The following KDM4C variants were observed in gnomAD, a reference collection of about 807,000 sequenced individuals.
The protein encoded by KDM4C is lysine-specific demethylase 4C.
A neutral mutation model predicts 129.3 loss-of-function variants in KDM4C; 81 were observed. The observed-to-expected ratio is 0.63, with a 90% CI of 0.52 to 0.75. The LOEUF (loss-of-function observed/expected upper bound fraction) is 0.75. Ranked by LOEUF, KDM4C falls within the 30% of genes least tolerant of loss-of-function variation. The pLI, the probability that KDM4C is intolerant of heterozygous loss-of-function variation, is 0.00. For synonymous variants in KDM4C, 573 were observed against 456.1 expected (o/e 1.26, Z -3.26); for missense variants, 1,457 against 1,304.0 (o/e 1.12, Z -1.81).
intron 12 of KDM4C, among the ~76,000 whole-genome samples, chr9:7,002,182 C>T (rs572081448): frequency 5.9e-5 from 9 of 152,286 alleles, no homozygotes; most frequent in East Asian, 1.9e-4. Context: ...CATGAGCCAC[C>T]GCACTTGCCT....
chr9:6,737,158 A>T (rs2130243001), intron 1 of KDM4C, among the ~76,000 whole-genome samples: 1 of 152,114 alleles, frequency 6.6e-6, no homozygotes, highest in South Asian at 2.1e-4. Context: ...AAATATAATT[A>T]AATTGAAACA....
At chr9:6,842,032 C>T (rs192580570) in intron 4 of KDM4C, among the ~76,000 whole-genome samples, 2 of 152,300 alleles carry the variant, frequency 1.3e-5, no homozygotes, top group East Asian at 3.9e-4. Context: ...AAAACATGCT[C>T]ATAGAGTGGA....
chr9:6,729,122 T>TAAAAAAAA (rs1563913049), intron 1 of KDM4C, among the ~76,000 whole-genome samples: 3,077 of 121,624 alleles, frequency 0.025, 213 homozygotes, highest in African/African-American at 0.042. Flanking sequence ...GAGAATTGCT[T>TAAAAAAAA]GAACCCGGGA....
chr9:7,122,902 A>G (rs1334930773), intron 18 of KDM4C, among the ~76,000 whole-genome samples: 1 of 152,230 alleles, frequency 6.6e-6, no homozygotes, highest in Non-Finnish European at 1.5e-5. Flanking sequence ...ATGCCCTCGC[A>G]TGATGCCTGT....
chr9:7,147,701 A>G (rs1842341129), intron 19 of KDM4C, among the ~76,000 whole-genome samples: 1 of 152,204 alleles, frequency 6.6e-6, no homozygotes, highest in South Asian at 2.1e-4. Flanking sequence ...TGGCTCTCTT[A>G]CCCAGGTAGG....
At chr9:7,115,953 A>G (rs540524220) in intron 18 of KDM4C, among the ~76,000 whole-genome samples, 3 of 152,338 alleles carry the variant, frequency 2.0e-5, no homozygotes, top group East Asian at 3.9e-4. Context: ...AGAAGTTGGC[A>G]TCTTTTCATC....
At chr9:6,828,398 C>T (rs1289254726) in intron 4 of KDM4C, among the ~76,000 whole-genome samples, 2 of 151,946 alleles carry the variant, frequency 1.3e-5, no homozygotes, top group South Asian at 2.1e-4. Flanking sequence ...CTGCCTGCCT[C>T]GGCCTCCCAA....
chr9:6,780,619 T>C (rs1824125675), intron 1 of KDM4C, among the ~76,000 whole-genome samples: 1 of 151,540 alleles, frequency 6.6e-6, no homozygotes, highest in Non-Finnish European at 1.5e-5. Flanking sequence ...ATACGAAAAT[T>C]AGCCGGGTGT....
intron 1 of KDM4C, among the ~76,000 whole-genome samples, chr9:6,763,045 G>A (rs1284612665): frequency 6.6e-6 from 1 of 151,908 alleles, no homozygotes; most frequent in Non-Finnish European, 1.5e-5. Context: ...GGGGGGGATG[G>A]ATGGGGGGTA....
At chr9:7,110,104 C>G (rs539260911) in intron 18 of KDM4C, among the ~76,000 whole-genome samples, 6 of 152,308 alleles carry the variant, frequency 3.9e-5, no homozygotes, top group African/African-American at 2.4e-5. Flanking sequence ...TGAGAATGGA[C>G]TAATCCACAC....
At chr9:7,011,924 C>T in intron 13 of KDM4C, 45 bp downstream of exon 13, 1 of 1,459,810 alleles carries the variant, frequency 6.9e-7, no homozygotes, top group East Asian at 2.3e-5. Context: ...CTCTGCCTTC[C>T]ATGTGACCAC....
chr9:6,948,759 T>A (rs1827470347), intron 8 of KDM4C, among the ~76,000 whole-genome samples: 1 of 152,098 alleles, frequency 6.6e-6, no homozygotes, highest in South Asian at 2.1e-4. Context: ...CATTTAACCC[T>A]GAGTGGACAC....
At chr9:6,837,710 A>T (rs1836149198) in intron 4 of KDM4C, among the ~76,000 whole-genome samples, 1 of 151,922 alleles carries the variant, frequency 6.6e-6, no homozygotes. Context: ...GGAATTCTTT[A>T]TTCTGGATAC....
intron 17 of KDM4C, among the ~76,000 whole-genome samples, chr9:7,093,252 C>T (rs900164752): frequency 1.3e-5 from 2 of 152,088 alleles, no homozygotes; most frequent in African/African-American, 4.8e-5. Flanking sequence ...AAGGGTGGAG[C>T]ATGGTGTTGT....
chr9:6,900,798 A>G (rs1001712519), intron 8 of KDM4C, among the ~76,000 whole-genome samples: 2 of 152,102 alleles, frequency 1.3e-5, no homozygotes, highest in African/African-American at 4.8e-5. Context: ...AAGGTTTTCT[A>G]CCTTCTCTTT....
intron 11 of KDM4C, among the ~76,000 whole-genome samples, chr9:6,988,870 T>C (rs1818223387): frequency 6.6e-6 from 1 of 152,128 alleles, no homozygotes; most frequent in Non-Finnish European, 1.5e-5. Context: ...GATTACCCTA[T>C]AAAACTGCCC....
intron 4 of KDM4C, among the ~76,000 whole-genome samples, chr9:6,826,694 T>C (rs1314977985): frequency 1.3e-5 from 2 of 152,016 alleles, no homozygotes; most frequent in Non-Finnish European, 2.9e-5. Context: ...TGTGAAACCC[T>C]GTCTCTACTA....
intron 13 of KDM4C, 95 bp downstream of exon 13, chr9:7,011,974 G>A (rs780052897): frequency 9.7e-7 from 1 of 1,029,066 alleles, no homozygotes; most frequent in Non-Finnish European, 1.4e-6. Context: ...GGCTTCCTTT[G>A]CACATAAGAA....
chr9:6,864,575 A>G (rs1007541095), intron 5 of KDM4C, among the ~76,000 whole-genome samples: 1 of 151,892 alleles, frequency 6.6e-6, no homozygotes, highest in Non-Finnish European at 1.5e-5. Flanking sequence ...GTTTCAAGCA[A>G]TTCTGCTGCC....
Sources: allele counts gnomAD v4.1 joint callset (sites outside exome capture counted in the v4.1 genomes callset), GRCh38; gene constraint gnomAD v4.1.1; transcripts MANE v1.5; gene names NCBI Gene and HGNC (gene_info 2026-07-23, HGNC 2026-07-21).